DSE: variants seen among roughly 807,000 people sequenced by gnomAD.
DSE encodes the protein dermatan-sulfate epimerase.
Under a neutral mutation model 84.4 loss-of-function variants are expected in DSE, and 36 were observed. The observed-to-expected ratio is 0.43, with a 90% CI of 0.33 to 0.56. DSE has a LOEUF of 0.56. Among genes scored for constraint, DSE ranks in the 20% least tolerant of loss-of-function variants. DSE has a pLI of 0.06. For synonymous variants in DSE, 410 were observed against 430.1 expected (o/e 0.95, Z 0.58); for missense variants, 862 against 1,169.6 (o/e 0.74, Z 3.84).
At chr6:116,272,488 C>T (rs772823166) in intron 2 of DSE, among the ~76,000 whole-genome samples, 4 of 152,142 alleles carry the variant, frequency 2.6e-5, no homozygotes, top group Non-Finnish European at 4.4e-5. Flanking sequence ...AGGTTAATTC[C>T]ATTCTGCAAG....
intron 2 of DSE, among the ~76,000 whole-genome samples, chr6:116,421,414 A>G (rs1366952973): frequency 7.0e-6 from 1 of 142,446 alleles, no homozygotes; most frequent in Admixed American, 7.1e-5. Context: ...TAACATAAAC[A>G]TATTTTAGGA....
intron 2 of DSE, among the ~76,000 whole-genome samples, chr6:116,411,159 A>G (rs530095388): frequency 5.9e-5 from 9 of 151,744 alleles, no homozygotes; most frequent in East Asian, 3.9e-4. Context: ...GGGTGTGTGT[A>G]TGTGTGTGTG....
At chr6:116,425,109 CA>C (rs1783345124) in intron 2 of DSE, among the ~76,000 whole-genome samples, 1 of 152,190 alleles carries the variant, frequency 6.6e-6, no homozygotes, top group Admixed American at 6.5e-5. Flanking sequence ...TTACCACTTA[CA>C]AATTATAGTA....
chr6:116,387,835 G>T (rs1011279763), intron 1 of DSE, among the ~76,000 whole-genome samples: 4 of 152,148 alleles, frequency 2.6e-5, no homozygotes, highest in African/African-American at 7.2e-5. Context: ...TTCCACAGAG[G>T]TATTAAGAGA....
chr6:116,437,027 TGAA>T lies in DSE; in HGVS notation c.2563_2565del (p.Glu855del). On this transcript the variant is annotated inframe_deletion, in exon 6 of 6. Coordinates refer to ENST00000644252, the MANE Select transcript of DSE (RefSeq NM_013352.4). Reference sequence around the variant, plus strand: ...AGAAAGAACTACCCATAGATGAAGATGAAGAAATGAAAGACCTTTTAGATTTTG... The same window carrying T: ...AGAAAGAACTACCCATAGATGAAGATGAAATGAAAGACCTTTTAGATTTTG... The T allele has an allele frequency of 1.2e-6, 2 of 1,614,014 alleles. No individual in the cohort carries two copies. The highest frequency in any genetic ancestry group is 1.7e-6 in the Non-Finnish European group (2 of 1,179,968).
chr6:116,359,802 A>G (rs1043781149), intron 2 of DSE, among the ~76,000 whole-genome samples: 26 of 152,226 alleles, frequency 1.7e-4, no homozygotes, highest in African/African-American at 5.8e-4. Context: ...TAGCTCATCT[A>G]TCGTTCTGAG....
rs955532111 is a variant in DSE, at chr6:116,293,123, A to G, written c.-54+34156A>G. On this transcript the variant is annotated intron_variant, in intron 2 of 3. Transcript: ENST00000430252. ...CAATGATGAGATAATTTAACTTTAT[A>G]TAATTAACTACAGAATTCAAAGAAG... 3.3e-5 allele frequency among the ~76,000 whole-genome samples: 5 copies of G among 150,164 alleles called. No individual in the cohort carries two copies. In the South Asian group the frequency reaches 9.2e-4, roughly 28 times the overall value.
At chr6:116,416,146 C>A (rs919952280) in intron 2 of DSE, among the ~76,000 whole-genome samples, 1 of 152,182 alleles carries the variant, frequency 6.6e-6, no homozygotes, top group African/African-American at 2.4e-5. Context: ...CATCTCTCTC[C>A]GACTACAGCC....
At chr6:116,263,852 TTATGATGCTTAGTTTGGCTGGA>T (rs1772511727) in intron 2 of DSE, among the ~76,000 whole-genome samples, 1 of 152,214 alleles carries the variant, frequency 6.6e-6, no homozygotes, top group Non-Finnish European at 1.5e-5. Flanking sequence ...TATCCTTTGC[TTATGATGCTTAGTTTGGCTGGA>T]TATGAAATTC....
intron 2 of DSE, among the ~76,000 whole-genome samples, chr6:116,348,722 A>C (rs959067196): frequency 6.6e-6 from 1 of 152,202 alleles, no homozygotes; most frequent in African/African-American, 2.4e-5. Context: ...CTTGGAACCA[A>C]CCCAAATGTC....
intron 2 of DSE, among the ~76,000 whole-genome samples, chr6:116,271,169 G>C (rs1772861560): frequency 6.6e-6 from 1 of 152,230 alleles, no homozygotes; most frequent in South Asian, 2.1e-4. Flanking sequence ...ATCAACTGGA[G>C]ATGAAGCAGA....
chr6:116,300,215 A>G (rs1409358652), intron 2 of DSE, among the ~76,000 whole-genome samples: 1 of 152,194 alleles, frequency 6.6e-6, no homozygotes, highest in Non-Finnish European at 1.5e-5. Context: ...CAAAGTTACA[A>G]TTAGAGGAAT....
chr6:116,417,713 C>A (rs1198831172), intron 2 of DSE, among the ~76,000 whole-genome samples: 2 of 152,082 alleles, frequency 1.3e-5, no homozygotes, highest in Non-Finnish European at 2.9e-5. Context: ...CTGAAAAAGT[C>A]TTAATATACA....
intron 2 of DSE, among the ~76,000 whole-genome samples, chr6:116,336,455 T>A (rs1777255058): frequency 6.6e-6 from 1 of 152,172 alleles, no homozygotes; most frequent in Non-Finnish European, 1.5e-5. Context: ...TTTGCTTGCA[T>A]GTTTTAAAGA....
chr6:116,411,709 A>G (rs1455591861), intron 2 of DSE, among the ~76,000 whole-genome samples: 1 of 152,244 alleles, frequency 6.6e-6, no homozygotes. Flanking sequence ...CATAATTTCT[A>G]GAAACCACAT....
intron 2 of DSE, among the ~76,000 whole-genome samples, chr6:116,414,775 C>G (rs1782592218): frequency 6.6e-6 from 1 of 152,196 alleles, no homozygotes; most frequent in Non-Finnish European, 1.5e-5. Flanking sequence ...ACTGTAATGA[C>G]TTTTCAATGT....
intron 1 of DSE, chr6:116,375,500 C>T: frequency 1.0e-6 from 1 of 983,968 alleles, no homozygotes; most frequent in Non-Finnish European, 1.2e-6. Flanking sequence ...CAAGATCCTG[C>T]CTCAAAGTCT....
chr6:116,289,115 G>A (rs1343057520), intron 2 of DSE, among the ~76,000 whole-genome samples: 2 of 151,868 alleles, frequency 1.3e-5, no homozygotes, highest in African/African-American at 2.4e-5. Flanking sequence ...AAGCTAAATG[G>A]GTCAAATTCA....
chr6:116,309,177 T>A (rs1355319909), intron 2 of DSE, among the ~76,000 whole-genome samples: 1 of 152,220 alleles, frequency 6.6e-6, no homozygotes, highest in Non-Finnish European at 1.5e-5. Context: ...TTGTGCTAGA[T>A]GACACATAGC....
Sources: allele counts gnomAD v4.1 joint callset (sites outside exome capture counted in the v4.1 genomes callset), GRCh38; gene constraint gnomAD v4.1.1; transcripts MANE v1.5; gene names NCBI Gene and HGNC (gene_info 2026-07-23, HGNC 2026-07-21).